SMCHD1: variants seen among roughly 807,000 people sequenced by gnomAD.
The protein encoded by SMCHD1 is structural maintenance of chromosomes flexible hinge domain containing 1, also known as structural maintenance of chromosomes flexible hinge domain-containing protein 1.
SMCHD1 carries 78 observed loss-of-function variants against 254.7 expected under a neutral mutation model. That is an observed-to-expected ratio of 0.31 (90% CI 0.26 to 0.37). The LOEUF is 0.37. Among genes scored for constraint, SMCHD1 ranks in the 10% least tolerant of loss-of-function variants. The pLI, the probability that SMCHD1 is intolerant of heterozygous loss-of-function variation, is 1.00. For missense variants in SMCHD1, 1,840 were observed against 2,408.1 expected (o/e 0.76, Z 4.94); for synonymous variants, 766 against 794.9 (o/e 0.96, Z 0.61).
intron 7 of SMCHD1, among the ~76,000 whole-genome samples, chr18:2,690,223 A>G (rs1422801095): frequency 6.6e-6 from 1 of 152,206 alleles, no homozygotes; most frequent in Non-Finnish European, 1.5e-5. Flanking sequence ...TCCCACATTT[A>G]AAAAATTAAC....
At chr18:2,685,914 C>T (rs2074041472) in intron 5 of SMCHD1, among the ~76,000 whole-genome samples, 1 of 152,190 alleles carries the variant, frequency 6.6e-6, no homozygotes, top group South Asian at 2.1e-4. Context: ...GATAATGCTG[C>T]TATGAACATT....
chr18:2,656,863 G>C (rs1042735902), intron 1 of SMCHD1, among the ~76,000 whole-genome samples: 1 of 152,192 alleles, frequency 6.6e-6, no homozygotes, highest in Non-Finnish European at 1.5e-5. Flanking sequence ...CTGGCCTTCT[G>C]CCTGTCTGAG....
At chr18:2,791,105 A>T (rs2076311970) in intron 45 of SMCHD1, among the ~76,000 whole-genome samples, 1 of 152,220 alleles carries the variant, frequency 6.6e-6, no homozygotes, top group Non-Finnish European at 1.5e-5. Context: ...TACAGTAAGC[A>T]GTTAGAAGAT....
At chr18:2,755,889 T>C (rs772657676) in intron 34 of SMCHD1, among the ~76,000 whole-genome samples, 1 of 152,096 alleles carries the variant, frequency 6.6e-6, no homozygotes, top group Non-Finnish European at 1.5e-5. Flanking sequence ...TTTCTTATCA[T>C]ACCACAGCAT....
Position 2,775,919 on chromosome 18 carries a change from GA to G in SMCHD1, c.5365del (p.Arg1789AspfsTer26). The G allele has an allele frequency of 6.4e-7, 1 of 1,563,534 alleles. No individual in the cohort carries two copies. Among genetic ancestry groups the G allele is most frequent in the South Asian group, 1.2e-5 (1 of 81,478 alleles). ...TTTACAAGAAGACTCTTCCAGATTG[GA>G]AAAGGTTAGAAAAAAGTGAAAGTAA... ...SIYKKTLPDW[K>X]RSLPHFRNGK... On this transcript the variant is annotated frameshift_variant, in exon 42 of 48. Transcript: ENST00000320876. LOFTEE classifies it high-confidence loss of function.
At chr18:2,794,131 A>G (rs1179380216) in intron 45 of SMCHD1, among the ~76,000 whole-genome samples, 1 of 152,136 alleles carries the variant, frequency 6.6e-6, no homozygotes, top group Non-Finnish European at 1.5e-5. Context: ...TGATGTTATG[A>G]AGATATTTAT....
At chr18:2,711,383 C>G (rs186615985) in intron 17 of SMCHD1, among the ~76,000 whole-genome samples, 1 of 152,118 alleles carries the variant, frequency 6.6e-6, no homozygotes, top group Non-Finnish European at 1.5e-5. Flanking sequence ...CAGGCATGAG[C>G]CACTGCACGT....
chr18:2,794,674 ATTTAT>A (rs2076226761), intron 45 of SMCHD1, among the ~76,000 whole-genome samples: 1 of 152,206 alleles, frequency 6.6e-6, no homozygotes, highest in South Asian at 2.1e-4. Flanking sequence ...GAATTTCAAA[ATTTAT>A]TTTTATGGCA....
chr18:2,662,199 ATAAAG>A (rs1568069261), intron 1 of SMCHD1, among the ~76,000 whole-genome samples: 2,267 of 90,158 alleles, frequency 0.025, 141 homozygotes, highest in African/African-American at 0.19. Flanking sequence ...AAATAAATAA[ATAAAG>A]AAAGAAAGAA....
chr18:2,663,997 G>C (rs1242047216), intron 1 of SMCHD1, among the ~76,000 whole-genome samples: 17 of 152,104 alleles, frequency 1.1e-4, no homozygotes, highest in Non-Finnish European at 7.3e-5. Flanking sequence ...TTACAGGTTT[G>C]AGCCACCGCG....
intron 32 of SMCHD1, 61 bp from the exon 33 acceptor site, chr18:2,751,217 A>G (rs1168151666): frequency 6.8e-6 from 6 of 888,002 alleles, no homozygotes. Context: ...GCATACAATT[A>G]TTTAACCATA....
chr18:2,686,953 G>C (rs548664306), intron 5 of SMCHD1, among the ~76,000 whole-genome samples: 22 of 152,086 alleles, frequency 1.4e-4, no homozygotes, highest in Admixed American at 1.2e-3. Flanking sequence ...GTCTTCTGCT[G>C]TTTTGTTTTC....
chr18:2,723,325 G>A (rs11080982), intron 20 of SMCHD1, among the ~76,000 whole-genome samples: 80,305 of 151,636 alleles, frequency 0.53, 21,889 homozygotes, highest in East Asian at 0.81. Flanking sequence ...AGCTTAGTCA[G>A]TTGCTTGTTC....
intron 8 of SMCHD1, among the ~76,000 whole-genome samples, chr18:2,695,602 G>A (rs958069097): frequency 2.0e-5 from 3 of 152,124 alleles, no homozygotes; most frequent in East Asian, 1.9e-4. Context: ...GAGCCATCGC[G>A]CCCGGCCTAA....
At chr18:2,704,864 G>A (rs2074480250) in intron 13 of SMCHD1, among the ~76,000 whole-genome samples, 1 of 152,058 alleles carries the variant, frequency 6.6e-6, no homozygotes, top group Admixed American at 6.6e-5. Context: ...GATTGAGCCT[G>A]GAGCTTTCCC....
intron 47 of SMCHD1, among the ~76,000 whole-genome samples, chr18:2,801,884 C>A (rs1182212825): frequency 6.6e-6 from 1 of 152,048 alleles, no homozygotes; most frequent in African/African-American, 2.4e-5. Context: ...ATTAGATATG[C>A]TTAGCAATAT....
chr18:2,786,297 T>C (rs377413501), intron 45 of SMCHD1, among the ~76,000 whole-genome samples: 3 of 151,662 alleles, frequency 2.0e-5, no homozygotes, highest in African/African-American at 7.2e-5. Context: ...GCCACTTTGT[T>C]TGCTTTTATT....
At chr18:2,709,232 G>GTGTATA (rs3037640) in intron 17 of SMCHD1, among the ~76,000 whole-genome samples, 4 of 79,694 alleles carry the variant, frequency 5.0e-5, no homozygotes, top group Admixed American at 3.4e-4. Flanking sequence ...GTGTATATGT[G>GTGTATA]TATATATATA....
In SMCHD1 at chr18:2,705,704, T is replaced by A; in HGVS notation, c.1853T>A (p.Ile618Asn). Residue 618 changes from isoleucine (I) to asparagine (N), a missense_variant, in exon 14 of 48, where the codon ATC becomes AAC. Ile to Asn is a moderately radical substitution (Grantham distance 149). Transcript: ENST00000320876. ...IYKAGQLVKT[I>N]KTLPLFYGSI... ...AAAACTAAATATTAGGTCAAGACAA[T>A]CAAGACACTTCCCCTCTTTTATGGA... 1 of 1,567,918 alleles carries A rather than the reference T, an allele frequency of 6.4e-7. No individual in the cohort carries two copies. The highest frequency in any genetic ancestry group is 1.4e-5 in the African/African-American group (1 of 73,822).
Sources: gnomAD v4.1 joint callset for allele counts (sites outside exome capture counted in the v4.1 genomes callset) on GRCh38, gnomAD v4.1.1 for gene constraint, MANE v1.5 for transcripts, NCBI Gene and HGNC (gene_info 2026-07-23, HGNC 2026-07-21) for gene names.